The following PAK1 variants were observed in gnomAD, a reference collection of about 807,000 sequenced individuals.
The protein encoded by PAK1 is serine/threonine-protein kinase PAK 1.
A neutral mutation model predicts 67.4 loss-of-function variants in PAK1; 29 were observed. That is an observed-to-expected ratio of 0.43 (90% CI 0.32 to 0.59). The LOEUF is 0.59. PAK1 is among the 20% of genes least tolerant of loss of function. The pLI is 0.07. For missense variants in PAK1, 337 were observed against 670.7 expected, an observed-to-expected ratio of 0.50 and a Z score of 5.50; for synonymous variants, 223 against 237.4, an observed-to-expected ratio of 0.94 and a Z score of 0.56.
chr11:77,349,082 G>A (rs1452901453), intron 9 of PAK1, among the ~76,000 whole-genome samples, 157 bp downstream of exon 9: 1 of 145,248 alleles, frequency 6.9e-6, no homozygotes, highest in Non-Finnish European at 1.5e-5. Context: ...CAGAGATCAC[G>A]CCACTGCACT....
chr11:77,375,546 C>T (rs1232247036), intron 4 of PAK1, among the ~76,000 whole-genome samples: 2 of 152,186 alleles, frequency 1.3e-5, no homozygotes, highest in East Asian at 1.9e-4. Flanking sequence ...TTCACATTAA[C>T]GTCTCTGAAA....
chr11:77,464,041 AAAAGTT>A (rs2135514660), intron 1 of PAK1, among the ~76,000 whole-genome samples: 1 of 152,364 alleles, frequency 6.6e-6, no homozygotes, highest in Non-Finnish European at 1.5e-5. Flanking sequence ...AACCAATATA[AAAAGTT>A]AATGAGTTAT....
chr11:77,366,077 A>T (rs1947538815), intron 5 of PAK1, among the ~76,000 whole-genome samples: 1 of 152,208 alleles, frequency 6.6e-6, no homozygotes. Context: ...TGAAATTTTT[A>T]AAAATTGCCA....
chr11:77,408,532 T>C (rs977352585), intron 1 of PAK1, among the ~76,000 whole-genome samples: 1 of 137,842 alleles, frequency 7.3e-6, no homozygotes, highest in Admixed American at 7.4e-5. Context: ...TATGGAGAAA[T>C]ACACACACAC....
chr11:77,354,780 C>T (rs960472056), intron 7 of PAK1, among the ~76,000 whole-genome samples: 2 of 152,166 alleles, frequency 1.3e-5, no homozygotes, highest in African/African-American at 2.4e-5. Context: ...TTGCAGACGT[C>T]GCCAAATCGG....
At chr11:77,469,587 ATAGACAC>A (rs1957755501) in intron 1 of PAK1, among the ~76,000 whole-genome samples, 1 of 152,104 alleles carries the variant, frequency 6.6e-6, no homozygotes, top group Admixed American at 6.5e-5. Context: ...ATGCAGTAAC[ATAGACAC>A]TAAAGAAGGT....
chr11:77,422,554 CA>C (rs11388442), intron 1 of PAK1, among the ~76,000 whole-genome samples: 4,288 of 137,082 alleles, frequency 0.031, 183 homozygotes, highest in African/African-American at 0.1. Context: ...GACACCGTCT[CA>C]AAAAAAAAAA....
chr11:77,389,567 G>A (rs756103236), intron 2 of PAK1, among the ~76,000 whole-genome samples: 1 of 152,122 alleles, frequency 6.6e-6, no homozygotes. Flanking sequence ...AGTGTGAAGT[G>A]GTATCTCATT....
At chr11:77,453,854 G>A (rs994555781) in intron 1 of PAK1, among the ~76,000 whole-genome samples, 3 of 152,124 alleles carry the variant, frequency 2.0e-5, no homozygotes, top group Non-Finnish European at 2.9e-5. Flanking sequence ...GCTGAGGCAG[G>A]AGGATTGCTT....
the PAK1 span, among the ~76,000 whole-genome samples, chr11:77,481,673 CAAAAAAA>C: frequency 5.3e-5 from 5 of 94,428 alleles, no homozygotes; most frequent in African/African-American, 2.0e-4. Flanking sequence ...GACTCCATCT[CAAAAAAA>C]AAAAAAAAAA....
intron 5 of PAK1, among the ~76,000 whole-genome samples, chr11:77,360,352 G>A (rs1326027315): frequency 6.6e-6 from 1 of 152,180 alleles, no homozygotes; most frequent in Non-Finnish European, 1.5e-5. Context: ...ATCACCTGAG[G>A]AATGTGAAGG....
chr11:77,398,206 T>C (rs1425054886), intron 1 of PAK1, among the ~76,000 whole-genome samples: 2 of 152,220 alleles, frequency 1.3e-5, no homozygotes, highest in South Asian at 2.1e-4. Context: ...TAATAGGTCT[T>C]ATTTATTCTA....
chr11:77,480,766 C>T, the PAK1 span, among the ~76,000 whole-genome samples: 1 of 152,144 alleles, frequency 6.6e-6, no homozygotes, highest in Non-Finnish European at 1.5e-5. Flanking sequence ...TCAAGTGATC[C>T]ACCTGCCTCA....
At position 77,473,745 on chromosome 11, in the gene PAK1, G is replaced by C. The variant is rs1380154463; in HGVS notation, c.-215C>G. 6.6e-6 allele frequency: 1 copy of C among 151,536 alleles called. No individual in the cohort carries two copies. Among genetic ancestry groups the C allele is most frequent in the Non-Finnish European group, 1.5e-5 (1 of 67,868 alleles). The allele number at this position is 151,536 out of a possible 1,614,324, so 9.4% of individuals were successfully genotyped here. The stretch of plus-strand genomic sequence containing the variant: ...GCGAGGGAAGGGATGATGGGGGGGC[G>C]GGAGGGAGCGAGGCGACGCGGGCGG... On this transcript the variant is annotated 5_prime_UTR_variant, in exon 1 of 15. Transcript: ENST00000356341.
At chr11:77,373,351 C>A (rs1484766656) in intron 5 of PAK1, among the ~76,000 whole-genome samples, 1 of 151,794 alleles carries the variant, frequency 6.6e-6, no homozygotes, top group Non-Finnish European at 1.5e-5. Flanking sequence ...ATAATGAGAA[C>A]CACATCTCTA....
the PAK1 span, among the ~76,000 whole-genome samples, chr11:77,496,469 C>G: frequency 2.0e-5 from 3 of 151,530 alleles, no homozygotes. Context: ...ACAAAAAATA[C>G]AAAAAAATTT....
At chr11:77,437,186 T>A (rs1032891100) in intron 1 of PAK1, among the ~76,000 whole-genome samples, 2 of 152,170 alleles carry the variant, frequency 1.3e-5, no homozygotes, top group Non-Finnish European at 2.9e-5. Flanking sequence ...TCTGTTCCCA[T>A]CTGTAAAACA....
At chr11:77,331,603 G>A (rs1490921312) in intron 14 of PAK1, among the ~76,000 whole-genome samples, 1 of 152,134 alleles carries the variant, frequency 6.6e-6, no homozygotes, top group Non-Finnish European at 1.5e-5. Flanking sequence ...CATGGACACA[G>A]GAAGGGGAAC....
intron 1 of PAK1, among the ~76,000 whole-genome samples, chr11:77,412,301 C>A (rs918970025): frequency 2.0e-5 from 3 of 152,072 alleles, no homozygotes; most frequent in Non-Finnish European, 4.4e-5. Context: ...CAGATTAGGC[C>A]TCAGAGAAAG....
Sources: allele counts gnomAD v4.1 joint callset (sites outside exome capture counted in the v4.1 genomes callset), GRCh38; gene constraint gnomAD v4.1.1; transcripts MANE v1.5; gene names NCBI Gene and HGNC (gene_info 2026-07-23, HGNC 2026-07-21).